PDXDC1: variants seen among roughly 807,000 people sequenced by gnomAD.
The protein encoded by PDXDC1 is pyridoxal dependent decarboxylase domain containing 1, also known as pyridoxal-dependent decarboxylase domain-containing protein 1.
Under a neutral mutation model 100.1 loss-of-function variants are expected in PDXDC1, and 42 were observed. That is an observed-to-expected ratio of 0.42 (90% CI 0.33 to 0.54). The LOEUF (loss-of-function observed/expected upper bound fraction) is 0.54, where lower values mean the gene tolerates loss of function less well. Ranked by LOEUF, PDXDC1 falls within the 20% of genes least tolerant of loss-of-function variation. PDXDC1 has a pLI of 0.10. For synonymous variants in PDXDC1, 260 were observed against 371.7 expected, an observed-to-expected ratio of 0.70 and a Z score of 3.46; for missense variants, 636 against 979.2, an observed-to-expected ratio of 0.65 and a Z score of 4.68.
chr16:15,056,328 A>G (rs1489797031), intron 16 of PDXDC1, among the ~76,000 whole-genome samples: 1 of 152,218 alleles, frequency 6.6e-6, no homozygotes, highest in Non-Finnish European at 1.5e-5. Flanking sequence ...TGCACCAGCC[A>G]AGAGAGCCTC....
rs746798823 is a variant in PDXDC1, at chr16:15,036,041, G to C, written c.2133G>C (p.Leu711=). 1.9e-6 allele frequency: 3 copies of C among 1,614,104 alleles called. No individual in the cohort carries two copies. Among genetic ancestry groups the C allele is most frequent in the Non-Finnish European group, 2.5e-6 (3 of 1,180,006 alleles). Residue 711 remains leucine, a synonymous_variant, in exon 23 of 23, where the codon CTG becomes CTC. Transcript: ENST00000396410. ...LPGQKPFKRS[L]RGSDALSETS... ...GCCAGAAGCCTTTTAAAAGGTCCCT[G>C]CGAGGTTCAGATGCTTTGAGTGAGA...
At chr16:15,000,893 ATTATATT>A (rs1177932994) in intron 3 of PDXDC1, among the ~76,000 whole-genome samples, 1 of 149,380 alleles carries the variant, frequency 6.7e-6, no homozygotes, top group Admixed American at 6.7e-5. Flanking sequence ...ATGATTATAT[ATTATATT>A]TTATATAATA....
At chr16:15,072,712 G>A (rs1235835036) in intron 16 of PDXDC1, among the ~76,000 whole-genome samples, 3 of 152,090 alleles carry the variant, frequency 2.0e-5, no homozygotes, top group Non-Finnish European at 2.9e-5. Context: ...CTGAGAGTCC[G>A]TTGAGCCCAA....
chr16:15,067,499 G>A (rs1201073347), intron 16 of PDXDC1, among the ~76,000 whole-genome samples: 2 of 129,308 alleles, frequency 1.5e-5, no homozygotes, highest in African/African-American at 5.3e-5. Context: ...CTATGGATTA[G>A]CCATAGCTAC....
At chr16:15,085,786 A>G (rs2045894493) in intron 16 of PDXDC1, 1 of 1,538,072 alleles carries the variant, frequency 6.5e-7, no homozygotes, top group Admixed American at 2.0e-5. Context: ...CTAGACAATG[A>G]ACAGCTATAA....
intron 1 of PDXDC1, among the ~76,000 whole-genome samples, chr16:14,994,150 C>T (rs1293836490): frequency 2.6e-5 from 4 of 152,264 alleles, no homozygotes; most frequent in African/African-American, 9.6e-5. Flanking sequence ...TTAATTAGAT[C>T]CCATTTGTCA....
At chr16:15,125,344 A>G in intron 16 of PDXDC1, 1 of 735,110 alleles carries the variant, frequency 1.4e-6, no homozygotes, top group South Asian at 1.6e-5. Flanking sequence ...GGCGCGGGTC[A>G]GCAAGGTACC....
chr16:15,062,298 CG>C (rs2044746997), intron 16 of PDXDC1, among the ~76,000 whole-genome samples: 1 of 152,162 alleles, frequency 6.6e-6, no homozygotes, highest in Admixed American at 6.5e-5. Flanking sequence ...GGAAACATGA[CG>C]AGTCATTCTT....
intron 16 of PDXDC1, chr16:15,074,927 C>T (rs1273673522): frequency 6.9e-7 from 1 of 1,449,562 alleles, no homozygotes; most frequent in Non-Finnish European, 9.4e-7. Context: ...AGTAGGAAAA[C>T]TGTCATAAGT....
At chr16:15,058,792 AT>A (rs1423412465) in intron 16 of PDXDC1, among the ~76,000 whole-genome samples, 1 of 152,154 alleles carries the variant, frequency 6.6e-6, no homozygotes, top group Admixed American at 6.5e-5. Context: ...AAGGATCCCA[AT>A]TTGTGTTTCA....
At chr16:15,009,246 C>T in intron 7 of PDXDC1, 1 of 348,830 alleles carries the variant, frequency 2.9e-6, no homozygotes, top group Non-Finnish European at 4.9e-6. Flanking sequence ...TTCAGACATG[C>T]AGGTGATAAA....
At chr16:14,987,002 C>G (rs973857198) in intron 1 of PDXDC1, among the ~76,000 whole-genome samples, 1 of 152,292 alleles carries the variant, frequency 6.6e-6, no homozygotes, top group African/African-American at 2.4e-5. Context: ...CCTGCTTTGG[C>G]CTCCCAAAGT....
chr16:15,027,653 C>T (rs1375660200), intron 14 of PDXDC1, among the ~76,000 whole-genome samples: 7 of 152,296 alleles, frequency 4.6e-5, no homozygotes, highest in Admixed American at 2.0e-4. Flanking sequence ...GGCCAAACTC[C>T]GCCTCGTCCC....
chr16:15,039,299 T>A (rs981881659), downstream of PDXDC1, among the ~76,000 whole-genome samples: 1 of 152,164 alleles, frequency 6.6e-6, no homozygotes, highest in Non-Finnish European at 1.5e-5. Flanking sequence ...GTTAAAAGGG[T>A]TGGCTCCGAA....
At chr16:15,041,290 G>C (rs1246901753), downstream of PDXDC1, among the ~76,000 whole-genome samples, 1 of 152,062 alleles carries the variant, frequency 6.6e-6, no homozygotes, top group Non-Finnish European at 1.5e-5. Flanking sequence ...CAAGGCAGGG[G>C]GGTTTATACT....
In PDXDC1 at chr16:14,997,690, A is replaced by AATTGTGTT. The variant is rs1201719456; in HGVS notation, c.22-60_22-53dup. 174 of 1,479,702 alleles carry AATTGTGTT rather than the reference A, an allele frequency of 1.2e-4. No homozygotes were observed. The Middle Eastern group carries it at 1.9e-3, about 16-fold the overall frequency. 91.7% of individuals were successfully genotyped at this position (1,479,702 alleles called of 1,614,324 possible). A position where few individuals can be genotyped will look rare whatever the true frequency, so the allele number is the denominator to read the frequency against. On this transcript the variant is annotated intron_variant, in intron 1 of 22. Coordinates refer to ENST00000396410, the MANE Select transcript of PDXDC1 (RefSeq NM_015027.4). ...ATTATGCACTTAATTTTTCTGGGTGAATTGTGTTATAGAGGTAATAGAGGA... is the reference window on the plus strand; with the variant it reads ...ATTATGCACTTAATTTTTCTGGGTGAATTGTGTTATTGTGTTATAGAGGTAATAGAGGA...
intron 16 of PDXDC1, chr16:15,076,620 C>T: frequency 3.1e-6 from 5 of 1,612,818 alleles, no homozygotes; most frequent in Non-Finnish European, 4.2e-6. Flanking sequence ...GTTTCTTCAG[C>T]ATCTTCAATA....
intron 1 of PDXDC1, among the ~76,000 whole-genome samples, chr16:14,984,452 AGAGTGT>A (rs1968800286): frequency 2.3e-5 from 2 of 87,858 alleles, no homozygotes; most frequent in African/African-American, 3.6e-5. Flanking sequence ...AGAGAGAGAG[AGAGTGT>A]GTGTGTGTGT....
At chr16:15,026,472 A>G in intron 13 of PDXDC1, 171 bp from the exon 14 acceptor site, 1 of 629,672 alleles carries the variant, frequency 1.6e-6, no homozygotes, top group South Asian at 2.2e-5. Flanking sequence ...ATTTTTTAAA[A>G]TTTTACTAAA....
Sources: allele counts gnomAD v4.1 joint callset (sites outside exome capture counted in the v4.1 genomes callset), GRCh38; gene constraint gnomAD v4.1.1; transcripts MANE v1.5; gene names NCBI Gene and HGNC (gene_info 2026-07-23, HGNC 2026-07-21).